The following VPS13B variants were observed in gnomAD, a reference collection of about 807,000 sequenced individuals.
The protein encoded by VPS13B is intermembrane lipid transfer protein VPS13B.
VPS13B carries 285 observed loss-of-function variants against 426.4 expected under a neutral mutation model. That is an observed-to-expected ratio of 0.67 (90% CI 0.61 to 0.74). The LOEUF is 0.74. Ranked by LOEUF, VPS13B falls within the 30% of genes least tolerant of loss-of-function variation. The pLI is 0.00. For synonymous variants in VPS13B, 1,676 were observed against 1,676.4 expected, an observed-to-expected ratio of 1.00 and a Z score of 0.01; for missense variants, 4,537 against 4,782.6, an observed-to-expected ratio of 0.95 and a Z score of 1.51.
At chr8:99,087,141 A>G (rs1845860636) in intron 3 of VPS13B, among the ~76,000 whole-genome samples, 2 of 152,104 alleles carry the variant, frequency 1.3e-5, no homozygotes, top group Admixed American at 1.3e-4. Context: ...TTACCTACTC[A>G]TGCCTCAGCA....
At chr8:99,160,173 T>C (rs1811569330) in intron 15 of VPS13B, among the ~76,000 whole-genome samples, 1 of 152,142 alleles carries the variant, frequency 6.6e-6, no homozygotes, top group African/African-American at 2.4e-5. Flanking sequence ...TATTGGTAGC[T>C]TTCCCCAGCT....
intron 33 of VPS13B, among the ~76,000 whole-genome samples, chr8:99,578,242 C>T (rs1360995106): frequency 6.6e-6 from 1 of 152,126 alleles, no homozygotes; most frequent in African/African-American, 2.4e-5. Context: ...ATTTCTCTAA[C>T]ATTCTGTACT....
At chr8:99,072,953 T>G (rs946428000) in intron 3 of VPS13B, among the ~76,000 whole-genome samples, 2 of 152,228 alleles carry the variant, frequency 1.3e-5, no homozygotes, top group Non-Finnish European at 2.9e-5. Flanking sequence ...TTCATTGGCC[T>G]GTATGTCTGT....
chr8:99,858,044 A>C (rs1291916140), intron 56 of VPS13B, among the ~76,000 whole-genome samples: 1 of 152,188 alleles, frequency 6.6e-6, no homozygotes, highest in Non-Finnish European at 1.5e-5. Flanking sequence ...TGATCCCCTC[A>C]GATCGCTGAG....
intron 51 of VPS13B, among the ~76,000 whole-genome samples, chr8:99,830,710 A>C (rs1187145848): frequency 6.6e-6 from 1 of 152,048 alleles, no homozygotes; most frequent in Non-Finnish European, 1.5e-5. Flanking sequence ...TTGTGCTTGA[A>C]ACCCAGGGCT....
chr8:99,274,701 G>A (rs1818803910), intron 18 of VPS13B, among the ~76,000 whole-genome samples: 1 of 151,830 alleles, frequency 6.6e-6, no homozygotes, highest in Non-Finnish European at 1.5e-5. Context: ...TTAAATTTTG[G>A]TTGTAAATGA....
Position 99,165,376 on chromosome 8 carries a change from C to T in VPS13B, c.2209-4663C>T, listed in dbSNP as rs566300770. Among the ~76,000 whole-genome samples, 9 of 152,282 alleles carry T rather than the reference C, an allele frequency of 5.9e-5. No homozygotes were observed. The South Asian group carries it at 6.2e-4, about 11-fold the overall frequency. ...ACTTGCTTATGGCTTACCAATTCCTCTTTATGTATCTGGCAAACCCATCGT... is the reference window on the plus strand; with the variant it reads ...ACTTGCTTATGGCTTACCAATTCCTTTTTATGTATCTGGCAAACCCATCGT... On this transcript the variant is annotated intron_variant, in intron 15 of 61. Coordinates refer to ENST00000357162, the MANE Select transcript of VPS13B (RefSeq NM_152564.5).
intron 17 of VPS13B, chr8:99,209,565 AAT>A: frequency 3.7e-5 from 10 of 266,954 alleles, no homozygotes; most frequent in Non-Finnish European, 5.8e-5. Context: ...TTTTAATAAC[AAT>A]TTTTTTTTTT....
intron 14 of VPS13B, 143 bp downstream of exon 14, chr8:99,148,153 T>G: frequency 1.1e-6 from 1 of 910,332 alleles, no homozygotes; most frequent in Non-Finnish European, 1.7e-6. Context: ...TGGGGCAGGA[T>G]GCACACTTGA....
At chr8:99,795,481 A>G (rs1275096606) in intron 43 of VPS13B, among the ~76,000 whole-genome samples, 1 of 152,190 alleles carries the variant, frequency 6.6e-6, no homozygotes, top group East Asian at 1.9e-4. Context: ...CTTTTGTTAC[A>G]GTAGTATCCC....
intron 17 of VPS13B, among the ~76,000 whole-genome samples, chr8:99,214,410 T>TA (rs1815275082): frequency 6.6e-6 from 1 of 152,234 alleles, no homozygotes; most frequent in South Asian, 2.1e-4. Context: ...TTGTACTTTT[T>TA]ATCTGTAGAG....
In VPS13B at chr8:99,228,074, C is replaced by A. The variant is rs1180956029; in HGVS notation, c.2515+35017C>A. Among the ~76,000 whole-genome samples the A allele has an allele frequency of 2.0e-5, 3 of 152,046 alleles. No homozygotes were observed. The East Asian group carries it at 5.8e-4, about 29-fold the overall frequency. ...CAAATATTTGAATTTCTAAATTGTT[C>A]ACCTATTCTGTGATTACTAGGTGGA... On this transcript the variant is annotated intron_variant, in intron 17 of 61. Coordinates refer to ENST00000357162, the MANE Select transcript of VPS13B (RefSeq NM_152564.5).
chr8:99,362,068 A>G (rs1812591891), intron 19 of VPS13B, among the ~76,000 whole-genome samples: 1 of 151,872 alleles, frequency 6.6e-6, no homozygotes, highest in Non-Finnish European at 1.5e-5. Flanking sequence ...GACCATGACT[A>G]GGACATTCGT....
At chr8:99,301,207 CTTGTTTCAAAAAAAAAATTT>C (rs1820345584) in intron 19 of VPS13B, among the ~76,000 whole-genome samples, 1 of 151,138 alleles carries the variant, frequency 6.6e-6, no homozygotes, top group Non-Finnish European at 1.5e-5. Flanking sequence ...AGAGCAAGAC[CTTGTTTCAAAAAAAAAATTT>C]TTTTTAACTT....
intron 8 of VPS13B, among the ~76,000 whole-genome samples, chr8:99,124,362 T>G (rs1219313445): frequency 1.3e-5 from 2 of 152,164 alleles, no homozygotes; most frequent in African/African-American, 4.8e-5. Context: ...AGTTTGGTGG[T>G]TCCACAAAAA....
chr8:99,158,729 T>G (rs1196099475), intron 15 of VPS13B, among the ~76,000 whole-genome samples: 1 of 152,192 alleles, frequency 6.6e-6, no homozygotes, highest in East Asian at 1.9e-4. Flanking sequence ...TGTGGAGACC[T>G]ACTGCCCAGA....
At chr8:99,428,488 C>T (rs1311830965) in intron 21 of VPS13B, among the ~76,000 whole-genome samples, 20 of 152,196 alleles carry the variant, frequency 1.3e-4, no homozygotes, top group Non-Finnish European at 1.5e-5. Context: ...TGAGCAGACA[C>T]TTCTCAAGAG....
intron 2 of VPS13B, among the ~76,000 whole-genome samples, chr8:99,034,264 A>G (rs917427356): frequency 6.6e-6 from 1 of 152,198 alleles, no homozygotes; most frequent in East Asian, 1.9e-4. Flanking sequence ...CTGGCATTCT[A>G]GGAATTTCGC....
intron 43 of VPS13B, among the ~76,000 whole-genome samples, chr8:99,797,984 C>G (rs982824543): frequency 1.3e-5 from 2 of 152,070 alleles, no homozygotes; most frequent in Non-Finnish European, 2.9e-5. Flanking sequence ...CTAGCAGTTC[C>G]ATTTGGGGAG....
Sources: gnomAD v4.1 joint callset for allele counts (sites outside exome capture counted in the v4.1 genomes callset) on GRCh38, gnomAD v4.1.1 for gene constraint, MANE v1.5 for transcripts, NCBI Gene and HGNC (gene_info 2026-07-23, HGNC 2026-07-21) for gene names.